The following FGF18 variants were observed in gnomAD, a reference collection of about 807,000 sequenced individuals.
The protein encoded by FGF18 is fibroblast growth factor 18.
In FGF18, 5 loss-of-function variants were observed where a neutral mutation model predicts 23.0. The observed-to-expected ratio is 0.22, with a 90% confidence interval of 0.11 to 0.46. The LOEUF (loss-of-function observed/expected upper bound fraction) is 0.46. Ranked by LOEUF, FGF18 falls within the 20% of genes least tolerant of loss-of-function variation. FGF18 has a pLI of 0.99. For synonymous variants in FGF18, 117 were observed against 118.9 expected, an observed-to-expected ratio of 0.98 and a Z score of 0.10; for missense variants, 180 against 291.6, an observed-to-expected ratio of 0.62 and a Z score of 2.79.
In FGF18 at chr5:171,436,116, G is replaced by A; in HGVS notation, c.93G>A (p.Val31=). The A allele has an allele frequency of 6.4e-7, 1 of 1,567,932 alleles. No individual in the cohort carries two copies. The highest frequency in any genetic ancestry group is 8.7e-7 in the Non-Finnish European group (1 of 1,151,882). The change falls in exon 3 of 5, where the codon GTG becomes GTA. Residue 31 remains valine (V), a synonymous_variant. Transcript: ENST00000274625. The surrounding 1 kb of genome is among the most constrained non-coding windows in gnomAD (Gnocchi z 4.4). The part of the protein sequence containing the change: ...QVQVLVAEEN[V]DFRIHVENQT... ...AGGTGCTGGTTGCCGAGGAGAACGT[G>A]GACTTCCGCATCCACGTGGAGAACC...
chr5:171,436,829 A>G lies in FGF18; in HGVS notation c.250+556A>G, dbSNP rs555279688. Reference sequence around the variant, plus strand: ...CCCAACCCTCCTGGAGTACTTGGGAACTCACCCCGCTCCCCTGCCTATGCT... The same window carrying G: ...CCCAACCCTCCTGGAGTACTTGGGAGCTCACCCCGCTCCCCTGCCTATGCT... On this transcript the variant is annotated intron_variant, in intron 3 of 4. Coordinates refer to ENST00000274625, the MANE Select transcript of FGF18 (RefSeq NM_003862.3). This position sits in a 1 kb window ranked among gnomAD's most constrained non-coding sequence, Gnocchi z 4.4. Among the ~76,000 whole-genome samples, 3 of 151,964 alleles carry G rather than the reference A, an allele frequency of 2.0e-5. No individual in the cohort carries two copies. The highest frequency in any genetic ancestry group is 2.0e-4 in the Admixed American group (3 of 15,276).
At chr5:171,428,249 G>A (rs1296482901) in intron 2 of FGF18, among the ~76,000 whole-genome samples, 7 of 152,160 alleles carry the variant, frequency 4.6e-5, no homozygotes, top group Non-Finnish European at 2.9e-5. Flanking sequence ...GGAGGTTTGA[G>A]GGAGAGGTTC....
At chr5:171,424,416 A>G (rs947163785) in intron 2 of FGF18, among the ~76,000 whole-genome samples, 8 of 152,236 alleles carry the variant, frequency 5.3e-5, no homozygotes, top group Non-Finnish European at 8.8e-5. Flanking sequence ...ACTTCTTTCA[A>G]CCATTCTACA....
At chr5:171,430,420 A>G (rs946183373) in intron 2 of FGF18, among the ~76,000 whole-genome samples, 10 of 152,078 alleles carry the variant, frequency 6.6e-5, no homozygotes, top group Non-Finnish European at 1.3e-4. Context: ...ACATAGGAAG[A>G]CATCCCTCAA....
At chr5:171,437,399 A>C (rs1772265016) in intron 3 of FGF18, among the ~76,000 whole-genome samples, 1 of 152,226 alleles carries the variant, frequency 6.6e-6, no homozygotes, top group African/African-American at 2.4e-5. Flanking sequence ...AGGCCAGGCC[A>C]GGCTGGGCAG....
Position 171,456,794 on chromosome 5 carries a change from C to T in FGF18, c.613C>T (p.His205Tyr). Residue 205 changes from histidine to tyrosine, a missense_variant, in exon 5 of 5, where the codon CAC becomes TAC. This residue lies in a region of FGF18 where 40 missense variants were observed against 41.4 expected (regional missense o/e 0.97). Coordinates refer to ENST00000274625, the MANE Select transcript of FGF18 (RefSeq NM_003862.3). This position sits in a 1 kb window ranked among gnomAD's most constrained non-coding sequence, Gnocchi z 6.1. ...TKRSRRIRPT[H>Y]PA ...GAGGTCCCGTCGGATCCGGCCCACA[C>T]ACCCTGCCTAGGCCACCCCGCCGCG... 1 of 1,612,910 alleles carries T rather than the reference C, an allele frequency of 6.2e-7. No individual in the cohort carries two copies. Among genetic ancestry groups the T allele is most frequent in the Non-Finnish European group, 8.5e-7 (1 of 1,179,348 alleles).
rs1272455474 is a variant in FGF18 at position 171,451,597 on chromosome 5, A to G, written c.357+2344A>G. Among the ~76,000 whole-genome samples the G allele has an allele frequency of 6.6e-6, 1 of 152,012 alleles. No homozygotes were observed. Among genetic ancestry groups the G allele is most frequent in the Non-Finnish European group, 1.5e-5 (1 of 68,000 alleles). On this transcript the variant is annotated intron_variant, in intron 4 of 4. Coordinates refer to ENST00000274625, the MANE Select transcript of FGF18 (RefSeq NM_003862.3). This position sits in a 1 kb window ranked among gnomAD's most constrained non-coding sequence, Gnocchi z 4.5. ...CCCCGCTGCCCACCTTCGGCTTTCT[A>G]CAGCACATACGGCATTGGAGGGCGG... is the stretch of plus-strand genomic sequence containing the variant.
chr5:171,447,513 C>T lies in FGF18; in HGVS notation c.251-1634C>T, dbSNP rs551473033. Among the ~76,000 whole-genome samples the T allele has an allele frequency of 9.9e-5, 15 of 152,236 alleles. No homozygotes were observed. In the South Asian group the frequency reaches 2.3e-3, roughly 23 times the overall value. On this transcript the variant is annotated intron_variant, in intron 3 of 4. Coordinates refer to ENST00000274625, the MANE Select transcript of FGF18 (RefSeq NM_003862.3). ...GGGGGGAGGTGGAGAGAAGAATGTG[C>T]CTCCCCCTGTTTCTAGAGTTACTAA...
chr5:171,437,219 C>T (rs558753841), intron 3 of FGF18, among the ~76,000 whole-genome samples: 3 of 152,324 alleles, frequency 2.0e-5, no homozygotes, highest in African/African-American at 7.2e-5. Flanking sequence ...TGGGACGATG[C>T]CCCGCCTGCC....
At chr5:171,441,420 A>G (rs1178006079) in intron 3 of FGF18, among the ~76,000 whole-genome samples, 1 of 152,180 alleles carries the variant, frequency 6.6e-6, no homozygotes, top group African/African-American at 2.4e-5. Flanking sequence ...ACATGGCCAC[A>G]GCCACAGCAG....
At chr5:171,420,340 GTGTC>G (rs1771984703) in intron 1 of FGF18, 63 bp from the exon 2 acceptor site, 3 of 1,606,380 alleles carry the variant, frequency 1.9e-6, no homozygotes, top group South Asian at 2.2e-5. Context: ...CTTCGACTGC[GTGTC>G]TGTCTGTCCG....
intron 4 of FGF18, 38 bp downstream of exon 4, chr5:171,449,291 C>T (rs1203252119): frequency 6.8e-7 from 1 of 1,461,418 alleles, no homozygotes. Flanking sequence ...ACTTCGGGTT[C>T]CCCTCTGGCA....
intron 4 of FGF18, among the ~76,000 whole-genome samples, chr5:171,450,179 A>C (rs1772478228): frequency 7.3e-6 from 1 of 136,794 alleles, no homozygotes; most frequent in Non-Finnish European, 1.5e-5. Flanking sequence ...CTGGCTGATT[A>C]TTTGCGGTTC....
At chr5:171,454,771 C>G (rs971614253) in intron 4 of FGF18, among the ~76,000 whole-genome samples, 2 of 152,240 alleles carry the variant, frequency 1.3e-5, no homozygotes, top group Non-Finnish European at 2.9e-5. Flanking sequence ...GGCATCCGTC[C>G]GTAACGAGGA....
At chr5:171,432,632 T>G (rs1274746561) in intron 2 of FGF18, among the ~76,000 whole-genome samples, 1 of 152,146 alleles carries the variant, frequency 6.6e-6, no homozygotes, top group Non-Finnish European at 1.5e-5. Context: ...CTTGAACTCC[T>G]GGCCTCAAGC....
Position 171,456,722 on chromosome 5 carries a change from G to A in FGF18, c.541G>A (p.Gly181Arg), listed in dbSNP as rs1190637735. 6.2e-7 allele frequency: 1 copy of A among 1,613,960 alleles called. No individual in the cohort carries two copies. The highest frequency in any genetic ancestry group is 1.1e-5 in the South Asian group (1 of 91,060). The change falls in exon 5 of 5, where the codon GGG becomes AGG. Residue 181 changes from glycine to arginine, a missense_variant. Around this residue, in one of 3 missense-constraint regions of FGF18, gnomAD observed 40 missense variants for 41.4 expected, o/e 0.97. Coordinates refer to ENST00000274625, the MANE Select transcript of FGF18 (RefSeq NM_003862.3). This position sits in a 1 kb window ranked among gnomAD's most constrained non-coding sequence, Gnocchi z 6.1. ...DVHFMKRYPK[G>R]QPELQKPFKY... ...GCATTTCATGAAGCGCTACCCCAAG[G>A]GGCAGCCGGAGCTTCAGAAGCCCTT... is the stretch of plus-strand genomic sequence containing the variant.
At chr5:171,426,332 C>A (rs1772088982) in intron 2 of FGF18, among the ~76,000 whole-genome samples, 1 of 152,198 alleles carries the variant, frequency 6.6e-6, no homozygotes, top group Admixed American at 6.5e-5. Context: ...TTTCTCCTTT[C>A]TGTGGGTAAG....
rs1422628018 is a variant in FGF18, at chr5:171,426,797, G to A, written c.69+6354G>A. Among the ~76,000 whole-genome samples, 9 of 152,348 alleles carry A rather than the reference G, an allele frequency of 5.9e-5. No individual in the cohort carries two copies. In the East Asian group the frequency reaches 9.6e-4, roughly 16 times the overall value. On this transcript the variant is annotated intron_variant, in intron 2 of 4. Coordinates refer to ENST00000274625, the MANE Select transcript of FGF18 (RefSeq NM_003862.3). ...GATGCTTGAATGCATAGGCTTTGGC[G>A]TAGGGGAAACCTAGGTTGAATCCTG...
chr5:171,427,867 C>T (rs918126993), intron 2 of FGF18, among the ~76,000 whole-genome samples: 58 of 152,162 alleles, frequency 3.8e-4, no homozygotes, highest in African/African-American at 6.3e-4. Context: ...TGATCCAGGG[C>T]GCTCTGCGGG....
Sources: allele counts gnomAD v4.1 joint callset (sites outside exome capture counted in the v4.1 genomes callset), GRCh38; gene constraint gnomAD v4.1.1; regional missense constraint gnomAD v4.1.1; non-coding constraint Gnocchi (gnomAD v3.1); transcripts MANE v1.5; gene names NCBI Gene and HGNC (gene_info 2026-07-23, HGNC 2026-07-21).